Variants in GORASP2 observed in about 807,000 individuals in gnomAD.
GORASP2 encodes the protein Golgi reassembly-stacking protein 2.
Under a neutral mutation model 45.7 loss-of-function variants are expected in GORASP2, and 22 were observed. The observed-to-expected ratio is 0.48, with a 90% CI of 0.34 to 0.69. The LOEUF (loss-of-function observed/expected upper bound fraction) is 0.69. Ranked by LOEUF, GORASP2 falls within the 30% of genes least tolerant of loss-of-function variation. The probability of loss-of-function intolerance (pLI) is 0.01; values close to 1 mark genes in which losing one functional copy is unlikely to be tolerated. For synonymous variants in GORASP2, 221 were observed against 215.6 expected, an observed-to-expected ratio of 1.02 and a Z score of -0.22; for missense variants, 491 against 562.7, an observed-to-expected ratio of 0.87 and a Z score of 1.29.
Position 170,966,516 on chromosome 2 carries a change from C to T in GORASP2, c.*386C>T, listed in dbSNP as rs1423249631. 1.2e-5 allele frequency: 3 copies of T among 247,822 alleles called. No individual in the cohort carries two copies. Among genetic ancestry groups the T allele is most frequent in the Non-Finnish European group, 2.4e-5 (3 of 127,308 alleles). The allele number at this position is 247,822 out of a possible 1,614,324, so 15.4% of individuals were successfully genotyped here. A position where few individuals can be genotyped will look rare whatever the true frequency, so the allele number is the denominator to read the frequency against. On this transcript the variant is annotated 3_prime_UTR_variant, in exon 10 of 10. Transcript: ENST00000234160. ...TTCTATGCCTAATACTCACACGCAA[C>T]ATTTCTTGTACTTTGTAAGTCGTTT...
At chr2:170,935,206 T>C (rs1257512039) in intron 1 of GORASP2, among the ~76,000 whole-genome samples, 1 of 152,246 alleles carries the variant, frequency 6.6e-6, no homozygotes, top group Non-Finnish European at 1.5e-5. Flanking sequence ...ATAAACTTTT[T>C]CTAATATTAA....
At position 170,929,421 on chromosome 2, in the gene GORASP2, G is replaced by A; in HGVS notation, c.63+18G>A. ...TTCTGCGGGTAAGGGCTCCGACGGC[G>A]GCCGGGGAGCTGCGGGCTGGAGGCG... On this transcript the variant is annotated intron_variant, in intron 1 of 9. Transcript: ENST00000234160. The A allele has an allele frequency of 1.5e-6, 2 of 1,367,976 alleles. No individual in the cohort carries two copies. The highest frequency in any genetic ancestry group is 3.0e-5 in the East Asian group (1 of 33,710). The allele number at this position is 1,367,976 out of a possible 1,614,324, so 84.7% of individuals were successfully genotyped here. A position where few individuals can be genotyped will look rare whatever the true frequency, so the allele number is the denominator to read the frequency against.
At chr2:170,939,643 G>A (rs540817121) in intron 1 of GORASP2, among the ~76,000 whole-genome samples, 6 of 152,246 alleles carry the variant, frequency 3.9e-5, no homozygotes, top group Non-Finnish European at 8.8e-5. Context: ...TATGATAAGT[G>A]TTTGCATATG....
At chr2:170,960,009 C>A (rs1470026243) in intron 7 of GORASP2, among the ~76,000 whole-genome samples, 1 of 151,838 alleles carries the variant, frequency 6.6e-6, no homozygotes, top group Non-Finnish European at 1.5e-5. Context: ...TTAGTAGAGA[C>A]AGGGTTTCAC....
intron 6 of GORASP2, 81 bp downstream of exon 6, chr2:170,954,863 T>C (rs1704387287): frequency 3.8e-6 from 4 of 1,065,598 alleles, no homozygotes; most frequent in Non-Finnish European, 5.6e-6. Context: ...TATATGGCAG[T>C]AGCACTATGA....
chr2:170,950,326 A>G (rs1291076121), intron 4 of GORASP2, 36 bp downstream of exon 4: 2 of 1,043,914 alleles, frequency 1.9e-6, no homozygotes, highest in Non-Finnish European at 2.8e-6. Flanking sequence ...AGAACTATAT[A>G]AAATTTTCTC....
chr2:170,951,650 A>C lies in GORASP2; in HGVS notation c.566+192A>C, dbSNP rs1049817498. 1.9e-4 allele frequency: 79 copies of C among 421,480 alleles called. 2 individuals carry two copies. The South Asian group carries it at 3.3e-3, about 18-fold the overall frequency. 26.1% of individuals were successfully genotyped at this position (421,480 alleles called of 1,614,324 possible). On this transcript the variant is annotated intron_variant, in intron 5 of 9. Coordinates refer to ENST00000234160, the MANE Select transcript of GORASP2 (RefSeq NM_015530.5). The stretch of plus-strand genomic sequence containing the variant: ...TACATATCTAGGGAACATAGTATAT[A>C]TACTATAGTCCTTTTCTTTACTAAC...
chr2:170,966,473 C>A lies in GORASP2; in HGVS notation c.*343C>A. ...GGTTTCCTGTCCCCTGCTGCTCCTT[C>A]CGTAAGAAAATGAAATATTCTATGC... On this transcript the variant is annotated 3_prime_UTR_variant, in exon 10 of 10. Transcript: ENST00000234160. 1 of 367,870 alleles carries A rather than the reference C, an allele frequency of 2.7e-6. No homozygotes were observed. The highest frequency in any genetic ancestry group is 5.0e-6 in the Non-Finnish European group (1 of 200,214). The allele number at this position is 367,870 out of a possible 1,614,324, so 22.8% of individuals were successfully genotyped here.
rs901285313 is a variant in GORASP2, at chr2:170,966,154, G to T, written c.*24G>T. On this transcript the variant is annotated 3_prime_UTR_variant, in exon 10 of 10. Coordinates refer to ENST00000234160, the MANE Select transcript of GORASP2 (RefSeq NM_015530.5). ...AACTTTGAACCATTCTTTGGAATTG[G>T]CGTGGTATATTTAACCACGGGAGCG... The T allele has an allele frequency of 3.2e-6, 5 of 1,551,406 alleles. No homozygotes were observed. In the South Asian group the frequency reaches 5.6e-5, roughly 17 times the overall value.
At position 170,954,983 on chromosome 2, in the gene GORASP2, G is replaced by A. The variant is rs114314971; in HGVS notation, c.699+201G>A. ...GTCTGGATTTTAGGAAAAAGGACAG[G>A]GCTAGAGATGCAGATTTGGGAATCA... On this transcript the variant is annotated intron_variant, in intron 6 of 9. Transcript: ENST00000234160. Among the ~76,000 whole-genome samples, 695 of 152,230 alleles carry A rather than the reference G, an allele frequency of 4.6e-3. 3 individuals are homozygous for A. The highest frequency in any genetic ancestry group is 6.0e-3 in the Non-Finnish European group (411 of 68,010).
At chr2:170,954,824 C>T in intron 6 of GORASP2, 42 bp downstream of exon 6, 1 of 1,547,772 alleles carries the variant, frequency 6.5e-7, no homozygotes, top group Non-Finnish European at 8.8e-7. Context: ...AAAGTTTTTA[C>T]CAAAACGAGT....
At chr2:170,948,263 G>T in intron 1 of GORASP2, 87 bp from the exon 2 acceptor site, 1 of 757,256 alleles carries the variant, frequency 1.3e-6, no homozygotes, top group South Asian at 1.5e-5. Context: ...CAGTGAAATT[G>T]GTCTATTTTT....
intron 4 of GORASP2, among the ~76,000 whole-genome samples, chr2:170,950,846 GTGGTGCATGC>G (rs1704283871): frequency 6.6e-6 from 1 of 152,174 alleles, no homozygotes; most frequent in Admixed American, 6.5e-5. Flanking sequence ...GCCAGGCATG[GTGGTGCATGC>G]CTATAGTCCC....
At chr2:170,931,722 A>G (rs1189053164) in intron 1 of GORASP2, among the ~76,000 whole-genome samples, 1 of 152,208 alleles carries the variant, frequency 6.6e-6, no homozygotes, top group East Asian at 1.9e-4. Context: ...ATTATTTTTC[A>G]ATATCCATCT....
intron 4 of GORASP2, among the ~76,000 whole-genome samples, 181 bp from the exon 5 acceptor site, chr2:170,951,147 A>T (rs553667529): frequency 6.6e-6 from 1 of 152,188 alleles, no homozygotes; most frequent in Non-Finnish European, 1.5e-5. Flanking sequence ...GTATGTAGTA[A>T]GTAGGCTTTG....
chr2:170,949,834 A>G (rs1051442063), intron 3 of GORASP2, 92 bp downstream of exon 3: 2 of 1,135,818 alleles, frequency 1.8e-6, no homozygotes, highest in Admixed American at 3.6e-5. Flanking sequence ...ATAAGATTGT[A>G]AGGATATTAT....
At chr2:170,956,398 T>G (rs760548515) in intron 6 of GORASP2, 38 bp from the exon 7 acceptor site, 2 of 1,558,010 alleles carry the variant, frequency 1.3e-6, no homozygotes, top group Non-Finnish European at 1.7e-6. Context: ...TGAAATAAAC[T>G]TAAGTAATCT....
intron 8 of GORASP2, 147 bp from the exon 9 acceptor site, chr2:170,962,692 T>G (rs1412937393): frequency 6.6e-6 from 4 of 606,736 alleles, no homozygotes; most frequent in Non-Finnish European, 1.2e-5. Context: ...TTGTTATTTA[T>G]ATTGTTATGA....
chr2:170,962,331 G>GCACA (rs1163155356), intron 8 of GORASP2, among the ~76,000 whole-genome samples: 2 of 152,214 alleles, frequency 1.3e-5, no homozygotes, highest in African/African-American at 2.4e-5. Context: ...CCAAATGTGT[G>GCACA]CACACACACA....
Sources: allele counts gnomAD v4.1 joint callset (sites outside exome capture counted in the v4.1 genomes callset), GRCh38; gene constraint gnomAD v4.1.1; transcripts MANE v1.5; gene names NCBI Gene and HGNC (gene_info 2026-07-23, HGNC 2026-07-21).